The following AEBP2 variants were observed in gnomAD, a reference collection of about 807,000 sequenced individuals.
AEBP2 encodes AE binding protein 2.
AEBP2 carries 10 observed loss-of-function variants against 50.8 expected under a neutral mutation model. The ratio of observed to expected loss-of-function variants is 0.20; its 90% CI spans 0.12 to 0.33. The LOEUF (loss-of-function observed/expected upper bound fraction) is 0.33, where lower values mean the gene tolerates loss of function less well. AEBP2 is among the 10% of genes least tolerant of loss of function. The pLI is 1.00. For missense variants in AEBP2, 570 were observed against 688.0 expected, an observed-to-expected ratio of 0.83 and a Z score of 1.92; for synonymous variants, 296 against 261.3, an observed-to-expected ratio of 1.13 and a Z score of -1.28.
At chr12:19,479,717 G>GTTTCTTTTTTTTTTTT (rs1948698002) in intron 3 of AEBP2, among the ~76,000 whole-genome samples, 2 of 22,314 alleles carry the variant, frequency 9.0e-5, no homozygotes, top group Non-Finnish European at 9.0e-5. Flanking sequence ...CTCTTTGTGG[G>GTTTCTTTTTTTTTTTT]TTTTTTTTTT....
intron 5 of AEBP2, among the ~76,000 whole-genome samples, chr12:19,507,987 TA>T (rs1379247276): frequency 2.2e-4 from 33 of 152,394 alleles, no homozygotes; most frequent in Non-Finnish European, 4.4e-5. Flanking sequence ...CTTATTTCAT[TA>T]ATTGAAATAT....
intron 1 of AEBP2, among the ~76,000 whole-genome samples, chr12:19,453,747 G>A (rs1194150366): frequency 6.6e-6 from 1 of 151,916 alleles, no homozygotes; most frequent in African/African-American, 2.4e-5. Flanking sequence ...TTTGAAGTGG[G>A]TGTTTGTGGA....
At chr12:19,463,048 TG>T (rs1948405384) in intron 2 of AEBP2, among the ~76,000 whole-genome samples, 1 of 152,224 alleles carries the variant, frequency 6.6e-6, no homozygotes, top group African/African-American at 2.4e-5. Flanking sequence ...AGCACTTTCT[TG>T]ATTTTCCTTT....
chr12:19,470,126 C>A (rs1016844766), intron 2 of AEBP2, among the ~76,000 whole-genome samples: 4 of 151,700 alleles, frequency 2.6e-5, no homozygotes, highest in African/African-American at 9.7e-5. Flanking sequence ...AATATAGCCT[C>A]GAACAGTTTT....
At chr12:19,486,997 G>A (rs944049414) in intron 3 of AEBP2, among the ~76,000 whole-genome samples, 1 of 151,880 alleles carries the variant, frequency 6.6e-6, no homozygotes, top group African/African-American at 2.4e-5. Flanking sequence ...TCTCACTGTC[G>A]CTTTAATTTT....
chr12:19,432,316 C>A (rs924223225), intron 1 of AEBP2, among the ~76,000 whole-genome samples: 1 of 152,158 alleles, frequency 6.6e-6, no homozygotes, highest in East Asian at 1.9e-4. Context: ...TGATATTGGG[C>A]ACAAGCAGTC....
chr12:19,510,418 G>T (rs1375631073), intron 5 of AEBP2, among the ~76,000 whole-genome samples: 1 of 152,144 alleles, frequency 6.6e-6, no homozygotes, highest in Non-Finnish European at 1.5e-5. Context: ...TTGTGTATGC[G>T]CATGGGCAGA....
At chr12:19,455,305 CA>C (rs1466792923) in intron 1 of AEBP2, among the ~76,000 whole-genome samples, 1 of 152,106 alleles carries the variant, frequency 6.6e-6, no homozygotes, top group Admixed American at 6.6e-5. Context: ...AGTCATATTT[CA>C]ATAGCCCTTT....
chr12:19,484,762 AT>A (rs200152645), intron 3 of AEBP2, among the ~76,000 whole-genome samples: 50 of 150,022 alleles, frequency 3.3e-4, no homozygotes, highest in African/African-American at 9.8e-4. Context: ...TTTTTTCTTA[AT>A]TTTTTTTTTA....
At chr12:19,444,923 C>G (rs1948031581) in intron 1 of AEBP2, among the ~76,000 whole-genome samples, 1 of 152,134 alleles carries the variant, frequency 6.6e-6, no homozygotes. Flanking sequence ...GAGACAGAGT[C>G]TTGCTCTGTC....
At chr12:19,422,027 A>G (rs964851993) in intron 1 of AEBP2, among the ~76,000 whole-genome samples, 3 of 152,102 alleles carry the variant, frequency 2.0e-5, no homozygotes, top group Admixed American at 6.6e-5. Context: ...CTGTGGTCCC[A>G]GCTACTCGGG....
Position 19,518,920 on chromosome 12 carries a change from A to G in AEBP2, c.*803A>G, listed in dbSNP as rs1235261074. On this transcript the variant is annotated 3_prime_UTR_variant, in exon 8 of 8. Coordinates refer to ENST00000266508, the MANE Select transcript of AEBP2 (RefSeq NM_153207.5). ...TTCAAATTATTTGAATAATCTTCAT[A>G]TTTTCATTTAACCTATATGACTCTA... 3 of 354,116 alleles carry G rather than the reference A, an allele frequency of 8.5e-6. No homozygotes were observed. The highest frequency in any genetic ancestry group is 8.9e-5 in the East Asian group (2 of 22,490). The allele number at this position is 354,116 out of a possible 1,614,324, so 21.9% of individuals were successfully genotyped here.
Position 19,518,654 on chromosome 12 carries a change from G to A in AEBP2, c.*537G>A, listed in dbSNP as rs1949354441. 2.7e-6 allele frequency: 4 copies of A among 1,466,022 alleles called. No individual in the cohort carries two copies. Among genetic ancestry groups the A allele is most frequent in the Non-Finnish European group, 3.7e-6 (4 of 1,087,328 alleles). 90.8% of individuals were successfully genotyped at this position (1,466,022 alleles called of 1,614,324 possible). A position where few individuals can be genotyped will look rare whatever the true frequency, so the allele number is the denominator to read the frequency against. On this transcript the variant is annotated 3_prime_UTR_variant, in exon 8 of 8. Transcript: ENST00000266508. ...TTATGATAAATAGATGTGATTGGTT[G>A]CCATTTGTGTTCTTTTGCAGAACTC...
chr12:19,439,170 C>G (rs563430080), upstream of AEBP2, among the ~76,000 whole-genome samples: 1 of 152,330 alleles, frequency 6.6e-6, no homozygotes, highest in South Asian at 2.1e-4. Context: ...TCTTCGTAGA[C>G]TGTAGGCTCG....
chr12:19,424,779 G>C lies in AEBP2; in HGVS notation c.-17+20563G>C, dbSNP rs547928248. Among the ~76,000 whole-genome samples, 186 of 152,102 alleles carry C rather than the reference G, an allele frequency of 1.2e-3. 1 individual carries two copies. The highest frequency in any genetic ancestry group is 4.3e-3 in the African/African-American group (178 of 41,542). ...TCCCAGCACTTTGGGAAGTCGAGGT[G>C]GGTGGATCACTTGAGGTCAGGAGTT... On this transcript the variant is annotated intron_variant, in intron 1 of 3. Transcript: ENST00000538425.
chr12:19,421,543 G>A (rs2095745816), intron 1 of AEBP2, among the ~76,000 whole-genome samples: 1 of 151,638 alleles, frequency 6.6e-6, no homozygotes, highest in African/African-American at 2.4e-5. Context: ...AGTCATTTGA[G>A]CCCAGGAGGT....
chr12:19,445,587 G>A (rs1394444399), intron 1 of AEBP2, among the ~76,000 whole-genome samples: 1 of 152,156 alleles, frequency 6.6e-6, no homozygotes, highest in East Asian at 1.9e-4. Context: ...ATGAGTGGCA[G>A]AGAGAATCAC....
intron 2 of AEBP2, among the ~76,000 whole-genome samples, chr12:19,469,070 G>A (rs1428541078): frequency 6.6e-6 from 1 of 152,046 alleles, no homozygotes; most frequent in Non-Finnish European, 1.5e-5. Context: ...GATTACAGGC[G>A]TGTGTCATCA....
At chr12:19,485,296 A>G (rs192323695) in intron 3 of AEBP2, among the ~76,000 whole-genome samples, 50 of 152,312 alleles carry the variant, frequency 3.3e-4, no homozygotes, top group African/African-American at 1.1e-3. Context: ...AAGTTAAGGT[A>G]TATGATTTAG....
Sources: allele counts gnomAD v4.1 joint callset (sites outside exome capture counted in the v4.1 genomes callset), GRCh38; gene constraint gnomAD v4.1.1; transcripts MANE v1.5; gene names NCBI Gene and HGNC (gene_info 2026-07-23, HGNC 2026-07-21).